Variants in PGAP1 observed in about 807,000 individuals in gnomAD.
PGAP1 encodes post-GPI attachment to proteins inositol deacylase 1.
PGAP1 carries 76 observed loss-of-function variants against 127.0 expected under a neutral mutation model. The ratio of observed to expected loss-of-function variants is 0.60; its 90% confidence interval spans 0.50 to 0.72. The LOEUF (loss-of-function observed/expected upper bound fraction) is 0.72. Ranked by LOEUF, PGAP1 falls within the 30% of genes least tolerant of loss-of-function variation. PGAP1 has a pLI of 0.00. For missense variants in PGAP1, 982 were observed against 1,071.3 expected, an observed-to-expected ratio of 0.92 and a Z score of 1.16; for synonymous variants, 362 against 366.5, an observed-to-expected ratio of 0.99 and a Z score of 0.14.
At chr2:196,855,528 G>C (rs1408290637) in intron 20 of PGAP1, among the ~76,000 whole-genome samples, 1 of 152,100 alleles carries the variant, frequency 6.6e-6, no homozygotes, top group African/African-American at 2.4e-5. Flanking sequence ...AAATCAAGCA[G>C]AACAAAAATT....
At chr2:196,924,611 C>A (rs985712124) in intron 1 of PGAP1, among the ~76,000 whole-genome samples, 5 of 152,176 alleles carry the variant, frequency 3.3e-5, no homozygotes, top group Admixed American at 1.3e-4. Flanking sequence ...TCAAAAACTT[C>A]TGCCACTGTG....
chr2:196,863,244 G>C (rs1701124547), intron 20 of PGAP1, among the ~76,000 whole-genome samples: 1 of 152,098 alleles, frequency 6.6e-6, no homozygotes, highest in Non-Finnish European at 1.5e-5. Context: ...AAGGAAATCA[G>C]TCTATCAAAA....
chr2:196,920,456 T>C (rs1336413176), intron 1 of PGAP1, among the ~76,000 whole-genome samples: 3 of 152,122 alleles, frequency 2.0e-5, no homozygotes, highest in African/African-American at 7.2e-5. Context: ...CACTGGTATA[T>C]GTCGACAAGT....
intron 2 of PGAP1, among the ~76,000 whole-genome samples, chr2:196,918,546 T>C (rs771751748): frequency 3.9e-5 from 6 of 152,126 alleles, no homozygotes; most frequent in Non-Finnish European, 8.8e-5. Flanking sequence ...ATGTTAAAGA[T>C]AATGCTGAGT....
chr2:196,891,588 C>A (rs565006874), intron 9 of PGAP1, among the ~76,000 whole-genome samples: 1 of 152,158 alleles, frequency 6.6e-6, no homozygotes, highest in African/African-American at 2.4e-5. Context: ...TGTGAGCCAA[C>A]TCACCATTCT....
chr2:196,877,184 A>G (rs1701594089), intron 13 of PGAP1, among the ~76,000 whole-genome samples: 1 of 152,046 alleles, frequency 6.6e-6, no homozygotes, highest in African/African-American at 2.4e-5. Context: ...TGAAACACCC[A>G]CGATAAGTAA....
chr2:196,877,890 G>A (rs960128502), intron 13 of PGAP1, among the ~76,000 whole-genome samples: 4 of 152,046 alleles, frequency 2.6e-5, no homozygotes, highest in African/African-American at 9.7e-5. Flanking sequence ...TCACAATGTG[G>A]TCATGGCAAC....
chr2:196,899,025 C>T (rs1702384136), intron 5 of PGAP1, among the ~76,000 whole-genome samples: 1 of 152,080 alleles, frequency 6.6e-6, no homozygotes, highest in African/African-American at 2.4e-5. Context: ...CAGAGGGCTT[C>T]CTAACAATGG....
At chr2:196,860,604 AT>A in intron 20 of PGAP1, among the ~76,000 whole-genome samples, 1 of 152,204 alleles carries the variant, frequency 6.6e-6, no homozygotes, top group Non-Finnish European at 1.5e-5. Flanking sequence ...CAATTAAATT[AT>A]ATCTAGGAAT....
intron 10 of PGAP1, among the ~76,000 whole-genome samples, chr2:196,890,624 C>A (rs1702064939): frequency 6.6e-6 from 1 of 151,784 alleles, no homozygotes. Flanking sequence ...AAACTAGAAC[C>A]AAAGTTACAC....
At chr2:196,854,304 A>G (rs1700809362) in intron 20 of PGAP1, among the ~76,000 whole-genome samples, 1 of 152,212 alleles carries the variant, frequency 6.6e-6, no homozygotes, top group South Asian at 2.1e-4. Flanking sequence ...TAGAGATATT[A>G]AATGATTAGG....
intron 4 of PGAP1, among the ~76,000 whole-genome samples, chr2:196,911,537 C>T (rs1392609547): frequency 3.1e-5 from 3 of 96,674 alleles, no homozygotes; most frequent in Non-Finnish European, 5.9e-5. Flanking sequence ...AGCGCACCAG[C>T]ATGGCACATG....
At chr2:196,844,817 A>G (rs1385710826) in intron 23 of PGAP1, among the ~76,000 whole-genome samples, 3 of 152,108 alleles carry the variant, frequency 2.0e-5, no homozygotes, top group Non-Finnish European at 2.9e-5. Context: ...AAACAAAACA[A>G]TACAAACTTC....
At chr2:196,880,045 A>C in intron 13 of PGAP1, 31 bp downstream of exon 13, 1 of 1,501,168 alleles carries the variant, frequency 6.7e-7, no homozygotes, top group Non-Finnish European at 9.2e-7. Context: ...TCTCCAAAAC[A>C]TTCTAATAAC....
Position 196,902,824 on chromosome 2 carries a change from T to C in PGAP1, c.650-82A>G. On this transcript the variant is annotated intron_variant, in intron 4 of 26. Coordinates refer to ENST00000354764, the MANE Select transcript of PGAP1 (RefSeq NM_024989.4). The stretch of plus-strand genomic sequence containing the variant: ...AGATATCTATACAGTAATATTAATA[T>C]GTAACTGAATTTTTGCTTAAGTCAT... 3 of 1,024,424 alleles carry C rather than the reference T, an allele frequency of 2.9e-6. No individual in the cohort carries two copies. In the East Asian group the frequency reaches 8.1e-5, roughly 28 times the overall value. The allele number at this position is 1,024,424 out of a possible 1,614,324, so 63.5% of individuals were successfully genotyped here.
Position 196,858,288 on chromosome 2 carries a change from G to C in PGAP1, c.1861+6699C>G, listed in dbSNP as rs145420221. Among the ~76,000 whole-genome samples, 1,111 of 152,022 alleles carry C rather than the reference G, an allele frequency of 7.3e-3. 8 individuals carry two copies. The highest frequency in any genetic ancestry group is 0.011 in the Non-Finnish European group (776 of 67,974). On this transcript the variant is annotated intron_variant, in intron 20 of 26. Transcript: ENST00000354764. The stretch of plus-strand genomic sequence containing the variant: ...ATGGTGGTGGGTACCTGTAGTCCCA[G>C]TTACTCAGGAGACTGAGGCAGGAGA...
intron 20 of PGAP1, among the ~76,000 whole-genome samples, chr2:196,859,275 C>T (rs1014516352): frequency 1.5e-4 from 23 of 152,034 alleles, no homozygotes; most frequent in African/African-American, 5.3e-4. Flanking sequence ...TGCAGTGAGC[C>T]GAGATTGCAC....
At chr2:196,902,559 T>A (rs572854185) in intron 5 of PGAP1, 26 bp downstream of exon 5, 5 of 1,567,188 alleles carry the variant, frequency 3.2e-6, no homozygotes, top group Non-Finnish European at 4.3e-6. Context: ...CATTACTATT[T>A]CAATAGAATC....
At chr2:196,921,064 T>C (rs1000092781) in intron 1 of PGAP1, among the ~76,000 whole-genome samples, 3 of 152,040 alleles carry the variant, frequency 2.0e-5, no homozygotes, top group African/African-American at 7.2e-5. Flanking sequence ...GTAATGTCTA[T>C]TTAGGTATAC....
Sources: allele counts gnomAD v4.1 joint callset (sites outside exome capture counted in the v4.1 genomes callset), GRCh38; gene constraint gnomAD v4.1.1; transcripts MANE v1.5; gene names NCBI Gene and HGNC (gene_info 2026-07-23, HGNC 2026-07-21).